Variants in COL23A1 observed in about 807,000 individuals in gnomAD.
COL23A1 encodes collagen alpha-1(XXIII) chain.
COL23A1 carries 97 observed loss-of-function variants against 99.3 expected under a neutral mutation model. That is an observed-to-expected ratio of 0.98 (90% CI 0.83 to 1.16). The LOEUF (loss-of-function observed/expected upper bound fraction) is 1.16. COL23A1 is among the 50% of genes most tolerant of loss of function. The pLI, the probability that COL23A1 is intolerant of heterozygous loss-of-function variation, is 0.00. For missense variants in COL23A1, 762 were observed against 757.4 expected (o/e 1.01, Z -0.07); for synonymous variants, 320 against 308.2 (o/e 1.04, Z -0.40).
intron 2 of COL23A1, among the ~76,000 whole-genome samples, chr5:178,523,177 T>TATATACAC (rs1348442017): frequency 1.3e-4 from 10 of 77,884 alleles, no homozygotes; most frequent in African/African-American, 4.4e-4. Flanking sequence ...TATATATATA[T>TATATACAC]ACACATATAT....
At chr5:178,537,124 A>C (rs1761009910) in intron 2 of COL23A1, among the ~76,000 whole-genome samples, 1 of 152,222 alleles carries the variant, frequency 6.6e-6, no homozygotes, top group Admixed American at 6.5e-5. Flanking sequence ...ATTTCCATGG[A>C]AGGCGTAGAG....
rs1581169674 is a variant in COL23A1 at position 178,333,023 on chromosome 5, T to C, written c.362-26104A>G. Among the ~76,000 whole-genome samples, 3 of 152,164 alleles carry C rather than the reference T, an allele frequency of 2.0e-5. No homozygotes were observed. The South Asian group carries it at 6.2e-4, about 32-fold the overall frequency. ...CCCAGGCTGGAGTGCAGTGGCCCGA[T>C]CTTGGCTCACTGTAACCTCCACCCT... On this transcript the variant is annotated intron_variant, in intron 2 of 28. Coordinates refer to ENST00000390654, the MANE Select transcript of COL23A1 (RefSeq NM_173465.4).
chr5:178,324,212 C>A (rs1281530763), intron 2 of COL23A1, among the ~76,000 whole-genome samples: 1 of 152,112 alleles, frequency 6.6e-6, no homozygotes. Flanking sequence ...GTTTCAGATT[C>A]AGTGGGGCTG....
chr5:178,514,163 T>C (rs984133217), intron 2 of COL23A1, among the ~76,000 whole-genome samples: 2 of 152,250 alleles, frequency 1.3e-5, no homozygotes, highest in African/African-American at 4.8e-5. Flanking sequence ...CAGGCTGTAT[T>C]TGTCCTTCTG....
At chr5:178,241,511 G>A (rs11249795) in intron 27 of COL23A1, among the ~76,000 whole-genome samples, 64,390 of 151,962 alleles carry the variant, frequency 0.42, 14,204 homozygotes, top group East Asian at 0.62. Context: ...CTTGGCCTCA[G>A]GCCCAGTGGG....
At chr5:178,430,832 T>C (rs1766221408) in intron 2 of COL23A1, among the ~76,000 whole-genome samples, 1 of 152,076 alleles carries the variant, frequency 6.6e-6, no homozygotes, top group Non-Finnish European at 1.5e-5. Flanking sequence ...GGTGGTGCCT[T>C]GTGGTTGCTA....
At chr5:178,502,208 T>G (rs1389677670) in intron 2 of COL23A1, among the ~76,000 whole-genome samples, 1 of 152,200 alleles carries the variant, frequency 6.6e-6, no homozygotes, top group East Asian at 1.9e-4. Context: ...CTCGGCCCAC[T>G]GCAAGCTCTG....
At chr5:178,292,915 A>C (rs2913818) in intron 3 of COL23A1, among the ~76,000 whole-genome samples, 10 of 152,002 alleles carry the variant, frequency 6.6e-5, no homozygotes, top group African/African-American at 2.4e-4. Context: ...CTCAGGAGGG[A>C]GTGATCGCCT....
intron 2 of COL23A1, among the ~76,000 whole-genome samples, chr5:178,450,462 C>T (rs1206412849): frequency 5.3e-5 from 8 of 152,076 alleles, no homozygotes; most frequent in Admixed American, 2.0e-4. Flanking sequence ...GAGCAGCCAG[C>T]GGGGGCCAGG....
Position 178,428,409 on chromosome 5 carries a change from G to A in COL23A1, c.362-121490C>T, listed in dbSNP as rs1265772133. 6.6e-6 allele frequency among the ~76,000 whole-genome samples: 1 copy of A among 152,202 alleles called. No homozygotes were observed. The highest frequency in any genetic ancestry group is 2.4e-5 in the African/African-American group (1 of 41,452). On this transcript the variant is annotated intron_variant, in intron 2 of 28. Coordinates refer to ENST00000390654, the MANE Select transcript of COL23A1 (RefSeq NM_173465.4). The surrounding 1 kb of genome is among the most constrained non-coding windows in gnomAD (Gnocchi z 5.0). The stretch of plus-strand genomic sequence containing the variant: ...TGGATCAAAACCTACCAAGATAACA[G>A]GGAACCAGGGGCAGCTTCCAGGGCC...
intron 2 of COL23A1, among the ~76,000 whole-genome samples, chr5:178,317,634 C>T (rs1386461939): frequency 1.3e-5 from 2 of 152,246 alleles, no homozygotes; most frequent in Non-Finnish European, 2.9e-5. Context: ...AACATGGCCA[C>T]TACTGAATAA....
intron 2 of COL23A1, among the ~76,000 whole-genome samples, chr5:178,458,542 C>T (rs1244102610): frequency 6.6e-6 from 1 of 151,868 alleles, no homozygotes; most frequent in African/African-American, 2.4e-5. Context: ...GAGGCTGAGT[C>T]ATGAGAATCA....
chr5:178,269,913 C>T (rs2973757), intron 6 of COL23A1, among the ~76,000 whole-genome samples: 80,189 of 152,140 alleles, frequency 0.53, 23,490 homozygotes, highest in Non-Finnish European at 0.68. Context: ...TGCTCATCTG[C>T]TGAGGCTCCT....
At chr5:178,541,862 C>T (rs571590618) in intron 2 of COL23A1, among the ~76,000 whole-genome samples, 1 of 152,270 alleles carries the variant, frequency 6.6e-6, no homozygotes, top group South Asian at 2.1e-4. Context: ...ATATGAAGTT[C>T]AAATGCAGGC....
At chr5:178,398,817 C>T (rs974042136) in intron 2 of COL23A1, among the ~76,000 whole-genome samples, 2 of 152,228 alleles carry the variant, frequency 1.3e-5, no homozygotes, top group Admixed American at 6.5e-5. Flanking sequence ...CCCCTAGGCA[C>T]GTCTTGTGCT....
rs113488669 is a variant in COL23A1, at chr5:178,381,645, GT to G, written c.362-74727del. On this transcript the variant is annotated intron_variant, in intron 2 of 28. Coordinates refer to ENST00000390654, the MANE Select transcript of COL23A1 (RefSeq NM_173465.4). ...ACAGAGGGTGATCTGGCCTGGAGTG[GT>G]TTTTTTTGAGACAGGGTCTTGCTGT... 3.4e-4 allele frequency among the ~76,000 whole-genome samples: 52 copies of G among 152,156 alleles called. 1 individual carries two copies. The highest frequency in any genetic ancestry group is 3.4e-3 in the Middle Eastern group (1 of 294).
intron 2 of COL23A1, among the ~76,000 whole-genome samples, chr5:178,528,407 G>C (rs1760445733): frequency 1.3e-5 from 2 of 152,106 alleles, no homozygotes; most frequent in African/African-American, 4.8e-5. Context: ...GGTTTCAGTG[G>C]GACTGACCCC....
rs1034350610 is a variant in COL23A1 at position 178,366,725 on chromosome 5, G to A, written c.362-59806C>T. Among the ~76,000 whole-genome samples, 12 of 152,148 alleles carry A rather than the reference G, an allele frequency of 7.9e-5. No individual in the cohort carries two copies. Among genetic ancestry groups the A allele is most frequent in the East Asian group, 1.9e-4 (1 of 5,186 alleles). ...CACACTGAGCATCCCAAACCTCGCC[G>A]GAAGCACGTTCCTCCTCCGTGCCTG... On this transcript the variant is annotated intron_variant, in intron 2 of 28. Transcript: ENST00000390654. This position sits in a 1 kb window ranked among gnomAD's most constrained non-coding sequence, Gnocchi z 4.4.
chr5:178,262,888 C>A (rs1367507627), intron 9 of COL23A1, among the ~76,000 whole-genome samples: 1 of 151,896 alleles, frequency 6.6e-6, no homozygotes, highest in East Asian at 1.9e-4. Context: ...GGGGCGTAGA[C>A]CAGGATTTGG....
Sources: gnomAD v4.1 joint callset for allele counts (sites outside exome capture counted in the v4.1 genomes callset) on GRCh38, gnomAD v4.1.1 for gene constraint, Gnocchi (gnomAD v3.1) non-coding constraint, MANE v1.5 for transcripts, NCBI Gene and HGNC (gene_info 2026-07-23, HGNC 2026-07-21) for gene names.